Variants in DNA2 observed in about 807,000 individuals in gnomAD.
The protein encoded by DNA2 is DNA replication ATP-dependent helicase/nuclease DNA2.
Under a neutral mutation model 119.1 loss-of-function variants are expected in DNA2, and 101 were observed. That is an observed-to-expected ratio of 0.85 (90% CI 0.72 to 1.00). The LOEUF is 1.00. Among genes scored for constraint, DNA2 ranks in the 50% least tolerant of loss-of-function variants. DNA2 has a pLI of 0.00. For missense variants in DNA2, 1,121 were observed against 1,255.5 expected (o/e 0.89, Z 1.62); for synonymous variants, 366 against 424.4 (o/e 0.86, Z 1.69).
In DNA2 at chr10:68,444,609, A is replaced by G. The variant is rs190667988; in HGVS notation, c.1220+312T>C. Among the ~76,000 whole-genome samples the G allele has an allele frequency of 9.9e-5, 15 of 151,604 alleles. No individual in the cohort carries two copies. In the East Asian group the frequency reaches 2.9e-3, roughly 29 times the overall value. ...AATGGTAGCACATGGCTGTAATCCCAGCTACTTGGGAGGCTGAGGCAGGAG... is the reference window on the plus strand; with the variant it reads ...AATGGTAGCACATGGCTGTAATCCCGGCTACTTGGGAGGCTGAGGCAGGAG... On this transcript the variant is annotated intron_variant, in intron 8 of 20. Coordinates refer to ENST00000358410, the MANE Select transcript of DNA2 (RefSeq NM_001080449.3).
At chr10:68,427,771 T>C (rs571121352) in intron 14 of DNA2, among the ~76,000 whole-genome samples, 2 of 151,940 alleles carry the variant, frequency 1.3e-5, no homozygotes, top group East Asian at 1.9e-4. Flanking sequence ...CGGTGGCTCA[T>C]GCCTCTAATC....
Position 68,431,843 on chromosome 10 carries a change from A to T in DNA2, c.1983+19T>A. On this transcript the variant is annotated intron_variant, in intron 13 of 20. Coordinates refer to ENST00000358410, the MANE Select transcript of DNA2 (RefSeq NM_001080449.3). ...TGATACAAATATTTTGTCTCTAAGCAGAAGAATAATAACCTTACGAGAGTA... is the reference window on the plus strand; with the variant it reads ...TGATACAAATATTTTGTCTCTAAGCTGAAGAATAATAACCTTACGAGAGTA... The T allele has an allele frequency of 6.5e-7, 1 of 1,528,686 alleles. No homozygotes were observed. Among genetic ancestry groups the T allele is most frequent in the African/African-American group, 1.4e-5 (1 of 72,940 alleles). The allele number at this position is 1,528,686 out of a possible 1,614,324, so 94.7% of individuals were successfully genotyped here.
At chr10:68,439,990 C>CAAG (rs2051946249) in intron 9 of DNA2, among the ~76,000 whole-genome samples, 1 of 149,742 alleles carries the variant, frequency 6.7e-6, no homozygotes, top group African/African-American at 2.5e-5. Flanking sequence ...GGCGACTGAG[C>CAAG]AAGATTCCAT....
Position 68,446,301 on chromosome 10 carries a change from T to G in DNA2, c.1052A>C (p.Lys351Thr). The G allele has an allele frequency of 1.3e-6, 2 of 1,568,968 alleles. No homozygotes were observed. The highest frequency in any genetic ancestry group is 1.7e-6 in the Non-Finnish European group (2 of 1,157,474). ...MYPVPANHLD[K>T]RELLKLRNQM... ...TAAAAAAAAAACGGCTCAACCTCTT[T>G]TATCTAGATGGTTGGCAGGCACAGG... The change falls in exon 7 of 21, where the codon AAA becomes ACA. Residue 351 changes from lysine (K) to threonine (T), a missense_variant. Lys to Thr is a moderately conservative substitution (Grantham distance 78, BLOSUM62 -1). Coordinates refer to ENST00000358410, the MANE Select transcript of DNA2 (RefSeq NM_001080449.3).
intron 17 of DNA2, among the ~76,000 whole-genome samples, chr10:68,420,429 C>T (rs941416655): frequency 1.3e-5 from 2 of 152,110 alleles, no homozygotes; most frequent in African/African-American, 4.8e-5. Flanking sequence ...CCTAGCTACT[C>T]AGGAGGCTGA....
chr10:68,456,976 T>C (rs1564894090), intron 5 of DNA2, among the ~76,000 whole-genome samples: 1 of 151,046 alleles, frequency 6.6e-6, no homozygotes, highest in Non-Finnish European at 1.5e-5. Flanking sequence ...CTACTAAAAA[T>C]ACAAAAAATT....
rs2052350013 is a variant in DNA2 at position 68,468,299 on chromosome 10, C to T, written c.265G>A (p.Val89Ile). 3.2e-6 allele frequency: 5 copies of T among 1,575,520 alleles called. No individual in the cohort carries two copies. The highest frequency in any genetic ancestry group is 4.3e-6 in the Non-Finnish European group (5 of 1,162,238). ...LCILRNDWCS[V>I]PVEPGDIIHL... ...ATGATATCTCCTGGCTCTACTGGAA[C>T]AGAACACCTGAAAATAAAGCAAAGT... The change falls in exon 3 of 21, where the codon GTT becomes ATT. Residue 89 changes from valine to isoleucine, a missense_variant. Val to Ile is a conservative substitution (Grantham distance 29, BLOSUM62 3). Transcript: ENST00000358410.
At chr10:68,455,129 G>A (rs570211275) in intron 5 of DNA2, among the ~76,000 whole-genome samples, 6 of 151,750 alleles carry the variant, frequency 4.0e-5, no homozygotes, top group East Asian at 2.0e-4. Flanking sequence ...TAGTAGAGAC[G>A]GGGTTTCACC....
At chr10:68,459,280 C>A in intron 4 of DNA2, 45 bp from the exon 5 acceptor site, 1 of 1,465,102 alleles carries the variant, frequency 6.8e-7, no homozygotes, top group East Asian at 2.5e-5. Context: ...TAAGCGGTAC[C>A]TGCCAAAAAT....
At chr10:68,459,358 C>CG in intron 4 of DNA2, 123 bp from the exon 5 acceptor site, 1 of 994,712 alleles carries the variant, frequency 1.0e-6, no homozygotes, top group East Asian at 2.7e-5. Flanking sequence ...ATATAAGCAA[C>CG]CCAACTGTTC....
intron 7 of DNA2, among the ~76,000 whole-genome samples, chr10:68,445,425 T>G (rs1459100599): frequency 6.6e-6 from 1 of 152,036 alleles, no homozygotes; most frequent in Non-Finnish European, 1.5e-5. Context: ...ATCGCATCAT[T>G]GCACTCCAGC....
At chr10:68,420,160 G>C (rs1416091976) in intron 17 of DNA2, among the ~76,000 whole-genome samples, 1 of 152,182 alleles carries the variant, frequency 6.6e-6, no homozygotes, top group Non-Finnish European at 1.5e-5. Context: ...ACTTCACTTT[G>C]TTATCCCCCA....
At chr10:68,430,369 C>T (rs2051803521) in intron 14 of DNA2, 67 bp downstream of exon 14, 2 of 1,157,212 alleles carry the variant, frequency 1.7e-6, no homozygotes, top group African/African-American at 3.1e-5. Context: ...TCCCAGAGTA[C>T]AGTTTCTCCC....
intron 17 of DNA2, among the ~76,000 whole-genome samples, chr10:68,420,691 CA>C (rs1263218522): frequency 7.4e-5 from 11 of 147,756 alleles, no homozygotes; most frequent in Admixed American, 5.4e-4. Context: ...CATCCCTAAG[CA>C]ATCTTGATTT....
At chr10:68,455,428 A>T (rs1023009208) in intron 5 of DNA2, among the ~76,000 whole-genome samples, 2 of 152,224 alleles carry the variant, frequency 1.3e-5, no homozygotes, top group Non-Finnish European at 2.9e-5. Flanking sequence ...ATTTATTTTT[A>T]AAACACAAGA....
At position 68,454,571 on chromosome 10, in the gene DNA2, T is replaced by G. The variant is rs900996057; in HGVS notation, c.720-4324A>C. Among the ~76,000 whole-genome samples the G allele has an allele frequency of 1.3e-5, 2 of 151,726 alleles. 1 individual carries two copies. The highest frequency in any genetic ancestry group is 1.3e-4 in the Admixed American group (2 of 15,222). ...CTGTAATCCCAGCACTTTGGGAGGGTGAGGTGGGTGGATCACCTAAGGTCA... is the reference window on the plus strand; with the variant it reads ...CTGTAATCCCAGCACTTTGGGAGGGGGAGGTGGGTGGATCACCTAAGGTCA... On this transcript the variant is annotated intron_variant, in intron 5 of 20. Transcript: ENST00000358410.
At chr10:68,472,150 TTC>T, upstream of DNA2, 1 of 1,368,502 alleles carries the variant, frequency 7.3e-7, no homozygotes. Flanking sequence ...CGCTCCTGCC[TTC>T]TCTCTTGACA....
intron 14 of DNA2, among the ~76,000 whole-genome samples, chr10:68,425,455 C>T (rs957875543): frequency 2.1e-5 from 3 of 145,686 alleles, no homozygotes; most frequent in South Asian, 2.2e-4. Flanking sequence ...GGCTGGAGTA[C>T]AGTGGCGGCG....
At chr10:68,444,553 C>G (rs925705909) in intron 8 of DNA2, among the ~76,000 whole-genome samples, 1 of 151,716 alleles carries the variant, frequency 6.6e-6, no homozygotes, top group East Asian at 1.9e-4. Context: ...GGTGAAACCT[C>G]TTCTCTACTA....
Sources: allele counts gnomAD v4.1 joint callset (sites outside exome capture counted in the v4.1 genomes callset), GRCh38; gene constraint gnomAD v4.1.1; transcripts MANE v1.5; gene names NCBI Gene and HGNC (gene_info 2026-07-23, HGNC 2026-07-21).